CPNE7: variants seen among roughly 807,000 people sequenced by gnomAD.
CPNE7 encodes the protein copine 7.
CPNE7 carries 78 observed loss-of-function variants against 66.5 expected under a neutral mutation model. The ratio of observed to expected loss-of-function variants is 1.17; its 90% CI spans 0.98 to 1.42. The LOEUF is 1.42. Among genes scored for constraint, CPNE7 ranks in the 40% most tolerant of loss-of-function variants. The pLI is 0.00. For missense variants in CPNE7, 1,012 were observed against 776.6 expected, an observed-to-expected ratio of 1.30 and a Z score of -3.60; for synonymous variants, 468 against 336.7, an observed-to-expected ratio of 1.39 and a Z score of -4.27.
Position 89,584,235 on chromosome 16 carries a change from G to C in CPNE7, c.507+133G>C. ...ACGTGTGCGGAGTGTGCCTGGGGCT[G>C]GGCGTGCTGCCGTCACGGTCGCCAT... On this transcript the variant is annotated intron_variant, in intron 4 of 14. Transcript: ENST00000319518. This position sits in a 1 kb window ranked among gnomAD's most constrained non-coding sequence, Gnocchi z 6.0. 1.1e-6 allele frequency: 1 copy of C among 878,058 alleles called. No individual in the cohort carries two copies. Among genetic ancestry groups the C allele is most frequent in the South Asian group, 1.7e-5 (1 of 57,940 alleles). 54.4% of individuals were successfully genotyped at this position (878,058 alleles called of 1,614,324 possible). A position where few individuals can be genotyped will look rare whatever the true frequency, so the allele number is the denominator to read the frequency against.
rs1480168865 is a variant in CPNE7 at position 89,577,766 on chromosome 16, G to A, written c.357+45G>A. On this transcript the variant is annotated intron_variant, in intron 2 of 14. Transcript: ENST00000319518. ...GGAGGGAGGAGGACGGTTGGCGTGGGGGCCACAGCCGATTCAAGGCTGATG... is the reference window on the plus strand; with the variant it reads ...GGAGGGAGGAGGACGGTTGGCGTGGAGGCCACAGCCGATTCAAGGCTGATG... 4.9e-5 allele frequency: 76 copies of A among 1,541,028 alleles called. 1 individual carries two copies. Among genetic ancestry groups the A allele is most frequent in the Non-Finnish European group, 6.5e-5 (74 of 1,143,012 alleles).
intron 7 of CPNE7, among the ~76,000 whole-genome samples, 200 bp downstream of exon 7, chr16:89,585,985 GGGGAGGTTCAGGTGAGGGGGGCCTCCA>G (rs2151439290): frequency 8.1e-6 from 1 of 122,790 alleles, no homozygotes. Flanking sequence ...GGGGGCCTTT[GGGGAGGTTCAGGTGAGGGGGGCCTCCA>G]GGGAGGGGCA....
intron 11 of CPNE7, 85 bp from the exon 12 acceptor site, chr16:89,590,922 C>CG: frequency 8.0e-7 from 1 of 1,246,932 alleles, no homozygotes; most frequent in Non-Finnish European, 1.0e-6. Flanking sequence ...GGGCTGGGGA[C>CG]GGGGGGAGCA....
At position 89,583,722 on chromosome 16, in the gene CPNE7, G is replaced by T; in HGVS notation, c.383G>T (p.Arg128Leu). The change falls in exon 3 of 15, where the codon CGC becomes CTC. Residue 128 changes from arginine to leucine, a missense_variant. Physicochemically the swap from Arg to Leu is moderately radical, Grantham distance 102. Transcript: ENST00000319518. Reference protein sequence around the residue: ...GQIVAQKKVTRPLLLKFGRNA... With the variant: ...GQIVAQKKVTLPLLLKFGRNA... ...ATTGTGGCCCAGAAGAAGGTGACCC[G>T]CCCGCTGCTGCTCAAGTTTGGCAGG... 1 of 1,612,790 alleles carries T rather than the reference G, an allele frequency of 6.2e-7. No homozygotes were observed. The highest frequency in any genetic ancestry group is 8.5e-7 in the Non-Finnish European group (1 of 1,179,918).
chr16:89,577,805 G>T (rs2058884294), intron 2 of CPNE7, 84 bp downstream of exon 2: 3 of 1,440,950 alleles, frequency 2.1e-6, no homozygotes, highest in Non-Finnish European at 2.8e-6. Flanking sequence ...CAGCACCGCA[G>T]GGACCCTGCT....
At chr16:89,592,366 C>T (rs2434862) in intron 13 of CPNE7, among the ~76,000 whole-genome samples, 15,866 of 151,442 alleles carry the variant, frequency 0.1, 956 homozygotes, top group South Asian at 0.2. Flanking sequence ...GGTCCTGCAA[C>T]CCGTGAGGCC....
chr16:89,578,759 CAAAAA>C (rs35811163), intron 2 of CPNE7: 6,062 of 1,175,338 alleles, frequency 5.2e-3, no homozygotes, highest in South Asian at 0.018. Context: ...GACTCTGTCT[CAAAAA>C]AAAAAAAAAA....
At chr16:89,583,270 G>A (rs1009747529) in intron 2 of CPNE7, among the ~76,000 whole-genome samples, 3 of 152,178 alleles carry the variant, frequency 2.0e-5, no homozygotes, top group Non-Finnish European at 4.4e-5. Flanking sequence ...GTCCGGGGCC[G>A]TTTGAGCTGC....
Position 89,585,722 on chromosome 16 carries a change from C to G in CPNE7, c.717C>G (p.His239Gln). 6.5e-7 allele frequency: 1 copy of G among 1,548,336 alleles called. No individual in the cohort carries two copies. The highest frequency in any genetic ancestry group is 2.4e-5 in the East Asian group (1 of 40,972). ...LVWDYDSRGKHDFIGEFSTTF... is the reference protein window; with the variant it reads ...LVWDYDSRGKQDFIGEFSTTF... ...GGGATTACGACTCTCGAGGAAAGCACGACTTCATCGGAGAATTCTCTACCA... is the reference window on the plus strand; with the variant it reads ...GGGATTACGACTCTCGAGGAAAGCAGGACTTCATCGGAGAATTCTCTACCA... Residue 239 changes from histidine (H) to glutamine (Q), a missense_variant, in exon 7 of 15, where the codon CAC (histidine) becomes CAG (glutamine). Physicochemically the swap from His to Gln is conservative, Grantham distance 24. Coordinates refer to ENST00000319518, the MANE Select transcript of CPNE7 (RefSeq NM_153636.3).
In CPNE7 at chr16:89,575,881, C is replaced by T; in HGVS notation, c.-17C>T. The T allele has an allele frequency of 8.3e-7, 1 of 1,206,908 alleles. No homozygotes were observed. The allele number at this position is 1,206,908 out of a possible 1,614,324, so 74.8% of individuals were successfully genotyped here. The stretch of plus-strand genomic sequence containing the variant: ...GGCCCCTCAGTGCGCCCAGCCGGGC[C>T]CCCGAACGCCGGGAGCATGAGCGCG... On this transcript the variant is annotated 5_prime_UTR_variant, in exon 1 of 15. Transcript: ENST00000319518.
chr16:89,588,721 G>T lies in CPNE7; in HGVS notation c.974G>T (p.Cys325Phe), dbSNP rs761682203. The change falls in exon 10 of 15, where the codon TGC becomes TTC. Residue 325 changes from cysteine to phenylalanine, a missense_variant. Transcript: ENST00000319518. ...TASNGDPRNSCSLHYINPYQP... is the reference protein window; with the variant it reads ...TASNGDPRNSFSLHYINPYQP... ...TCCAATGGAGACCCGCGGAACAGCTGCTCCCTGCACTACATCAACCCCTAC... is the reference window on the plus strand; with the variant it reads ...TCCAATGGAGACCCGCGGAACAGCTTCTCCCTGCACTACATCAACCCCTAC... 2.5e-6 allele frequency: 4 copies of T among 1,613,584 alleles called. No homozygotes were observed. Among genetic ancestry groups the T allele is most frequent in the East Asian group, 2.2e-5 (1 of 44,884 alleles).
intron 2 of CPNE7, among the ~76,000 whole-genome samples, chr16:89,580,647 A>G (rs1435343216): frequency 6.1e-5 from 7 of 114,810 alleles, no homozygotes; most frequent in Admixed American, 9.0e-5. Flanking sequence ...GGAACATCCC[A>G]TCACCCGTCA....
chr16:89,590,466 A>C (rs1267578988), intron 11 of CPNE7, among the ~76,000 whole-genome samples: 1 of 152,076 alleles, frequency 6.6e-6, no homozygotes. Flanking sequence ...CAGAGGTTGC[A>C]CTGAGCTGAG....
chr16:89,585,975 G>A (rs1394167501), intron 7 of CPNE7, among the ~76,000 whole-genome samples, 190 bp downstream of exon 7: 1 of 122,026 alleles, frequency 8.2e-6, no homozygotes, highest in Admixed American at 8.1e-5. Context: ...AGCAGGTTGG[G>A]GGGGCCTTTG....
chr16:89,579,658 C>T (rs1329921263), intron 2 of CPNE7, among the ~76,000 whole-genome samples: 1 of 150,142 alleles, frequency 6.7e-6, no homozygotes, highest in Admixed American at 6.6e-5. Flanking sequence ...TCACATGGAA[C>T]ATCCCTTCAC....
In CPNE7 at chr16:89,584,876, G is replaced by A. The variant is rs769654999; in HGVS notation, c.591+19G>A. 6.2e-7 allele frequency: 1 copy of A among 1,607,416 alleles called. No homozygotes were observed. Among genetic ancestry groups the A allele is most frequent in the Non-Finnish European group, 8.5e-7 (1 of 1,175,194 alleles). On this transcript the variant is annotated intron_variant, in intron 5 of 14. Transcript: ENST00000319518. This position sits in a 1 kb window ranked among gnomAD's most constrained non-coding sequence, Gnocchi z 6.0. Reference sequence around the variant, plus strand: ...GACGGAGGTGAGCGGCCGGGGATGGGAACACAGGGAGGGGAAGGGGCTGTC... The same window carrying A: ...GACGGAGGTGAGCGGCCGGGGATGGAAACACAGGGAGGGGAAGGGGCTGTC...
In CPNE7 at chr16:89,589,914, C is replaced by T. The variant is rs1342146291; in HGVS notation, c.1079C>T (p.Ala360Val). 1.2e-6 allele frequency: 2 copies of T among 1,613,794 alleles called. No homozygotes were observed. Among genetic ancestry groups the T allele is most frequent in the South Asian group, 1.1e-5 (1 of 91,090 alleles). Reference protein sequence around the residue: ...QDYDSDKRFSALGFGARIPPK... With the variant: ...QDYDSDKRFSVLGFGARIPPK... ...TCTTCCAGTGACAAGAGGTTTTCCG[C>T]TTTGGGGTTTGGAGCCCGGATCCCT... The change falls in exon 11 of 15, where the codon GCT becomes GTT. Residue 360 changes from alanine to valine, a missense_variant. Transcript: ENST00000319518.
At position 89,585,744 on chromosome 16, in the gene CPNE7, A is replaced by G. The variant is rs1304827074; in HGVS notation, c.739A>G (p.Thr247Ala). The G allele has an allele frequency of 2.1e-6, 3 of 1,443,488 alleles. No homozygotes were observed. Among genetic ancestry groups the G allele is most frequent in the Non-Finnish European group, 2.8e-6 (3 of 1,083,116 alleles). The allele number at this position is 1,443,488 out of a possible 1,614,324, so 89.4% of individuals were successfully genotyped here. A position where few individuals can be genotyped will look rare whatever the true frequency, so the allele number is the denominator to read the frequency against. Residue 247 changes from threonine to alanine, a missense_variant, in exon 7 of 15, where the codon ACC becomes GCC. Physicochemically the swap from Thr to Ala is moderately conservative, Grantham distance 58. Coordinates refer to ENST00000319518, the MANE Select transcript of CPNE7 (RefSeq NM_153636.3). Reference protein sequence around the residue: ...GKHDFIGEFSTTFEEMQKAFE... With the variant: ...GKHDFIGEFSATFEEMQKAFE... ...GCACGACTTCATCGGAGAATTCTCT[A>G]CCACCTTCGAGGAGATGCAGAAGGC... is the stretch of plus-strand genomic sequence containing the variant.
rs2059159224 is a variant in CPNE7 at position 89,591,022 on chromosome 16, G to A, written c.1132G>A (p.Ala378Thr). 1.2e-6 allele frequency: 2 copies of A among 1,613,710 alleles called. No individual in the cohort carries two copies. The highest frequency in any genetic ancestry group is 1.7e-6 in the Non-Finnish European group (2 of 1,179,890). The change falls in exon 12 of 15, where the codon GCC becomes ACC. Residue 378 changes from alanine (A) to threonine (T), a missense_variant. Coordinates refer to ENST00000319518, the MANE Select transcript of CPNE7 (RefSeq NM_153636.3). ...PPKYEVSHDF[A>T]INFNPEDDEC... Reference sequence around the variant, plus strand: ...TCCCACCCAGGTGTCCCATGACTTTGCCATCAATTTCAACCCTGAGGACGA... The same window carrying A: ...TCCCACCCAGGTGTCCCATGACTTTACCATCAATTTCAACCCTGAGGACGA...
Sources: allele counts gnomAD v4.1 joint callset (sites outside exome capture counted in the v4.1 genomes callset), GRCh38; gene constraint gnomAD v4.1.1; non-coding constraint Gnocchi (gnomAD v3.1); transcripts MANE v1.5; gene names NCBI Gene and HGNC (gene_info 2026-07-23, HGNC 2026-07-21).